The following USP34 variants were observed in gnomAD, a reference collection of about 807,000 sequenced individuals.
USP34 encodes the protein ubiquitin specific peptidase 34, also known as ubiquitin carboxyl-terminal hydrolase 34.
USP34 carries 70 observed loss-of-function variants against 460.3 expected under a neutral mutation model. The observed-to-expected ratio is 0.15, with a 90% confidence interval of 0.13 to 0.19. USP34 has a LOEUF of 0.19. Among genes scored for constraint, USP34 ranks in the 10% least tolerant of loss-of-function variants. The probability of loss-of-function intolerance (pLI) is 1.00; values close to 1 mark genes in which losing one functional copy is unlikely to be tolerated. For missense variants in USP34, 3,985 were observed against 4,236.2 expected, an observed-to-expected ratio of 0.94 and a Z score of 1.65; for synonymous variants, 1,647 against 1,405.3, an observed-to-expected ratio of 1.17 and a Z score of -3.85.
chr2:61,420,843 AAAAG>A lies in USP34; in HGVS notation c.44-14_44-11del, dbSNP rs754716704. On this transcript the variant is annotated splice_polypyrimidine_tract_variant and intron_variant, in intron 1 of 79. Coordinates refer to ENST00000398571, the MANE Select transcript of USP34 (RefSeq NM_014709.4). ...CCTTCTACATCTGATACTGAAATAA[AAAAG>A]AAATTTTAAAATTATGAATAATGCT... 1.9e-5 allele frequency: 30 copies of A among 1,597,476 alleles called. No individual in the cohort carries two copies. Among genetic ancestry groups the A allele is most frequent in the Middle Eastern group, 1.8e-4 (1 of 5,700 alleles).
At chr2:61,372,742 G>A (rs934511776) in intron 8 of USP34, among the ~76,000 whole-genome samples, 10 of 152,134 alleles carry the variant, frequency 6.6e-5, no homozygotes, top group East Asian at 1.9e-4. Context: ...AGGGACTTTC[G>A]TAATAATGAT....
At chr2:61,465,734 T>C (rs1695741466) in intron 1 of USP34, among the ~76,000 whole-genome samples, 1 of 152,060 alleles carries the variant, frequency 6.6e-6, no homozygotes, top group South Asian at 2.1e-4. Flanking sequence ...TGCCAGCACT[T>C]TGGGAGGCCG....
intron 41 of USP34, chr2:61,277,734 G>A (rs1023394793): frequency 6.4e-6 from 1 of 155,470 alleles, no homozygotes; most frequent in African/African-American, 2.4e-5. Context: ...GTTTGGCCGT[G>A]TCTCCACCCA....
intron 5 of USP34, among the ~76,000 whole-genome samples, chr2:61,384,249 T>C (rs1693066682): frequency 1.3e-5 from 2 of 152,184 alleles, no homozygotes; most frequent in African/African-American, 2.4e-5. Context: ...ATTTTAACAT[T>C]TATAAATCAA....
Position 61,300,917 on chromosome 2 carries a change from C to T in USP34, c.4128+34G>A, listed in dbSNP as rs376127919. The T allele has an allele frequency of 8.1e-6, 12 of 1,489,612 alleles. No individual in the cohort carries two copies. In the East Asian group the frequency reaches 2.7e-4, roughly 34 times the overall value. The allele number at this position is 1,489,612 out of a possible 1,614,324, so 92.3% of individuals were successfully genotyped here. A position where few individuals can be genotyped will look rare whatever the true frequency, so the allele number is the denominator to read the frequency against. On this transcript the variant is annotated intron_variant, in intron 29 of 79. Transcript: ENST00000398571. ...TTACTATATCCTCTCAACAGAGACA[C>T]AAAACAAGATTTGTGAAAATGAAAC...
At chr2:61,343,564 C>T (rs940034970) in intron 16 of USP34, among the ~76,000 whole-genome samples, 2 of 151,968 alleles carry the variant, frequency 1.3e-5, no homozygotes, top group South Asian at 2.1e-4. Flanking sequence ...TTAATTATTA[C>T]ATATTATTGC....
At chr2:61,235,120 C>T (rs191172232) in intron 57 of USP34, among the ~76,000 whole-genome samples, 282 of 152,278 alleles carry the variant, frequency 1.9e-3, no homozygotes, top group Non-Finnish European at 1.9e-3. Flanking sequence ...CACATAACTA[C>T]ATGGTGATAG....
intron 41 of USP34, among the ~76,000 whole-genome samples, chr2:61,272,934 T>G (rs954679409): frequency 6.6e-6 from 1 of 152,138 alleles, no homozygotes; most frequent in African/African-American, 2.4e-5. Flanking sequence ...CAAGAATTAC[T>G]TGCAGATAAT....
chr2:61,396,184 TC>T (rs1178766059), intron 3 of USP34, among the ~76,000 whole-genome samples: 1 of 152,210 alleles, frequency 6.6e-6, no homozygotes, highest in East Asian at 1.9e-4. Context: ...GCTTTGGAAT[TC>T]CCTAGAGGTA....
Position 61,406,071 on chromosome 2 carries a change from C to A in USP34, c.189G>T (p.Val63=), listed in dbSNP as rs377312542. 1.7e-5 allele frequency: 28 copies of A among 1,613,290 alleles called. No homozygotes were observed. The highest frequency in any genetic ancestry group is 2.2e-5 in the Non-Finnish European group (26 of 1,179,850). ...YKHLEIFNQV[V]CALINLVIAQ... ...CAATCACTAAGTTAATAAGTGCACA[C>A]ACTACTTGATTAAAAATCTCCAAAT... Residue 63 remains valine, a synonymous_variant, in exon 3 of 80, where the codon GTG becomes GTT. Transcript: ENST00000398571.
chr2:61,260,313 G>A (rs1014922022), intron 43 of USP34, among the ~76,000 whole-genome samples: 1 of 152,138 alleles, frequency 6.6e-6, no homozygotes, highest in African/African-American at 2.4e-5. Flanking sequence ...ACACATTAGA[G>A]ATTTAGTATT....
chr2:61,440,162 G>C (rs1694924527), intron 1 of USP34, among the ~76,000 whole-genome samples: 1 of 152,200 alleles, frequency 6.6e-6, no homozygotes, highest in Non-Finnish European at 1.5e-5. Flanking sequence ...AGGGCATCAG[G>C]GTGGGCTGCT....
At chr2:61,296,995 G>A (rs907353722) in intron 29 of USP34, 70 bp from the exon 30 acceptor site, 3 of 1,491,774 alleles carry the variant, frequency 2.0e-6, no homozygotes, top group East Asian at 2.4e-5. Context: ...TCAAATTTTT[G>A]CATAAAGTAA....
At chr2:61,263,452 A>T (rs2103912788) in intron 43 of USP34, among the ~76,000 whole-genome samples, 1 of 150,346 alleles carries the variant, frequency 6.7e-6, no homozygotes, top group East Asian at 2.0e-4. Flanking sequence ...AAGTGCTGGG[A>T]TTACAGGCGT....
intron 6 of USP34, among the ~76,000 whole-genome samples, chr2:61,381,095 G>A (rs1048884388): frequency 3.3e-5 from 5 of 151,798 alleles, no homozygotes; most frequent in Non-Finnish European, 7.4e-5. Context: ...CCTCTGCCTA[G>A]GAAAACCAGA....
intron 33 of USP34, among the ~76,000 whole-genome samples, chr2:61,291,957 A>C (rs1689866893): frequency 2.6e-5 from 4 of 152,168 alleles, no homozygotes; most frequent in African/African-American, 9.7e-5. Flanking sequence ...GAAACCAGTC[A>C]CGATGGACCA....
At chr2:61,406,218 T>G in intron 2 of USP34, 90 bp from the exon 3 acceptor site, 1 of 1,148,710 alleles carries the variant, frequency 8.7e-7, no homozygotes, top group Non-Finnish European at 1.2e-6. Flanking sequence ...AAATACTAAG[T>G]TATTTCTAGA....
intron 1 of USP34, among the ~76,000 whole-genome samples, chr2:61,470,252 G>A (rs867333340): frequency 2.0e-5 from 3 of 152,192 alleles, no homozygotes; most frequent in Non-Finnish European, 4.4e-5. Context: ...AAAGAGGGCG[G>A]CCGGAGGATT....
At chr2:61,358,546 C>G (rs1254281113) in intron 10 of USP34, among the ~76,000 whole-genome samples, 1 of 152,032 alleles carries the variant, frequency 6.6e-6, no homozygotes, top group East Asian at 1.9e-4. Flanking sequence ...TAACATATTT[C>G]CCCCTAAGAT....
Sources: allele counts gnomAD v4.1 joint callset (sites outside exome capture counted in the v4.1 genomes callset), GRCh38; gene constraint gnomAD v4.1.1; transcripts MANE v1.5; gene names NCBI Gene and HGNC (gene_info 2026-07-23, HGNC 2026-07-21).